CTNNA3: variants seen among roughly 807,000 people sequenced by gnomAD.
CTNNA3 encodes catenin alpha-3.
CTNNA3 carries 76 observed loss-of-function variants against 95.7 expected under a neutral mutation model. The observed-to-expected ratio is 0.79, with a 90% confidence interval of 0.66 to 0.96. CTNNA3 has a LOEUF of 0.96. Among genes scored for constraint, CTNNA3 ranks in the 40% least tolerant of loss-of-function variants. The pLI is 0.00. For missense variants in CTNNA3, 1,191 were observed against 1,089.8 expected (o/e 1.09, Z -1.31); for synonymous variants, 431 against 374.4 (o/e 1.15, Z -1.74).
intron 7 of CTNNA3, among the ~76,000 whole-genome samples, chr10:66,777,418 A>G (rs1460067921): frequency 2.6e-5 from 4 of 151,742 alleles, no homozygotes; most frequent in Admixed American, 1.3e-4. Context: ...AAAGGGAAAT[A>G]GGAGAGATTT....
chr10:67,650,515 C>A (rs773866696), intron 1 of CTNNA3, among the ~76,000 whole-genome samples: 11 of 152,192 alleles, frequency 7.2e-5, no homozygotes, highest in Admixed American at 5.9e-4. Flanking sequence ...CCATATGGAT[C>A]CTTCCCTTCT....
chr10:66,763,341 C>CACACACACACAGAG (rs371974709), intron 9 of CTNNA3, among the ~76,000 whole-genome samples: 5 of 139,104 alleles, frequency 3.6e-5, no homozygotes, highest in African/African-American at 1.4e-4. Context: ...CACACACACA[C>CACACACACACAGAG]AGAGAGAGAG....
rs142869017 is a variant in CTNNA3 at position 65,976,529 on chromosome 10, A to G, written c.2266-9783T>C. On this transcript the variant is annotated intron_variant, in intron 16 of 17. Transcript: ENST00000433211. ...ATTCAAAGTTGCTTGACCTAAATTT[A>G]CCTTTCATTTTCAGAACTGATGGGA... is the stretch of plus-strand genomic sequence containing the variant. Among the ~76,000 whole-genome samples, 14 of 152,282 alleles carry G rather than the reference A, an allele frequency of 9.2e-5. No individual in the cohort carries two copies. The East Asian group carries it at 2.1e-3, about 23-fold the overall frequency.
At chr10:66,525,616 C>T (rs888193674) in intron 10 of CTNNA3, among the ~76,000 whole-genome samples, 3 of 151,718 alleles carry the variant, frequency 2.0e-5, no homozygotes, top group African/African-American at 7.3e-5. Context: ...TAAAGAAAAA[C>T]AAAAGAGAGA....
intron 5 of CTNNA3, among the ~76,000 whole-genome samples, chr10:67,257,660 C>T (rs1866417057): frequency 6.6e-6 from 1 of 151,990 alleles, no homozygotes; most frequent in Non-Finnish European, 1.5e-5. Context: ...ACTAGTGTTT[C>T]GTGCATGTTT....
intron 9 of CTNNA3, among the ~76,000 whole-genome samples, chr10:66,659,653 A>G (rs1295350802): frequency 6.6e-6 from 1 of 152,152 alleles, no homozygotes; most frequent in Non-Finnish European, 1.5e-5. Context: ...ATGAGAGCAG[A>G]GCCCTCATGA....
intron 1 of CTNNA3, among the ~76,000 whole-genome samples, chr10:67,713,273 G>C (rs764747623): frequency 1.3e-5 from 2 of 152,168 alleles, no homozygotes; most frequent in Non-Finnish European, 2.9e-5. Flanking sequence ...TCATTAAAAA[G>C]TCAGGAAACA....
At chr10:67,204,371 T>TC (rs1554944878) in intron 6 of CTNNA3, among the ~76,000 whole-genome samples, 3 of 148,926 alleles carry the variant, frequency 2.0e-5, no homozygotes, top group Admixed American at 6.6e-5. Flanking sequence ...GTATGGCACC[T>TC]CCCCCCCTCT....
chr10:66,230,613 G>A (rs117997295), intron 13 of CTNNA3, among the ~76,000 whole-genome samples: 3,168 of 152,258 alleles, frequency 0.021, 43 homozygotes, highest in Middle Eastern at 0.044. Flanking sequence ...GTTGCCTGTG[G>A]AGGGGTCAAG....
intron 13 of CTNNA3, among the ~76,000 whole-genome samples, chr10:66,132,931 G>A (rs893233044): frequency 6.6e-6 from 1 of 152,010 alleles, no homozygotes. Context: ...AGAGGATCAG[G>A]AAAAATAACT....
chr10:66,286,529 A>G (rs1489657122), intron 12 of CTNNA3, among the ~76,000 whole-genome samples: 1 of 152,126 alleles, frequency 6.6e-6, no homozygotes, highest in Non-Finnish European at 1.5e-5. Flanking sequence ...AAAGAAAAAT[A>G]GAAAGGTAAA....
At chr10:66,939,400 G>A (rs931294773) in intron 7 of CTNNA3, among the ~76,000 whole-genome samples, 1 of 151,984 alleles carries the variant, frequency 6.6e-6, no homozygotes, top group Non-Finnish European at 1.5e-5. Context: ...CCTTCAAACT[G>A]AGTTAAAAGG....
chr10:67,506,652 CCTAGCACTA>C (rs1051832440), intron 5 of CTNNA3, among the ~76,000 whole-genome samples: 2 of 152,148 alleles, frequency 1.3e-5, no homozygotes, highest in Admixed American at 6.6e-5. Context: ...TAGGCATGCT[CCTAGCACTA>C]CTATTAACAA....
At chr10:65,985,901 A>T (rs1342631968) in intron 16 of CTNNA3, among the ~76,000 whole-genome samples, 3 of 151,556 alleles carry the variant, frequency 2.0e-5, no homozygotes. Flanking sequence ...CAAACAATCC[A>T]GTTATAACTT....
chr10:66,763,375 A>AAG (rs1300330218), intron 9 of CTNNA3, among the ~76,000 whole-genome samples: 1 of 103,070 alleles, frequency 9.7e-6, no homozygotes, highest in African/African-American at 3.2e-5. Flanking sequence ...GAAAGAGAGA[A>AAG]AGAGAGAGAG....
intron 9 of CTNNA3, among the ~76,000 whole-genome samples, chr10:66,720,133 G>A (rs578025138): frequency 3.3e-5 from 5 of 151,952 alleles, no homozygotes; most frequent in Admixed American, 1.3e-4. Context: ...GATGTCTCAC[G>A]ATGCTAAGGA....
intron 7 of CTNNA3, among the ~76,000 whole-genome samples, chr10:67,079,762 C>T (rs1265879222): frequency 1.3e-5 from 2 of 151,828 alleles, no homozygotes; most frequent in Non-Finnish European, 2.9e-5. Context: ...GCAGGAGAAT[C>T]TCTTGAACCC....
intron 13 of CTNNA3, among the ~76,000 whole-genome samples, chr10:66,219,370 C>T (rs893111005): frequency 6.6e-6 from 1 of 152,172 alleles, no homozygotes; most frequent in African/African-American, 2.4e-5. Flanking sequence ...TCACACTCTT[C>T]TCATGGTCCC....
At chr10:67,630,882 A>T (rs940528193) in intron 2 of CTNNA3, among the ~76,000 whole-genome samples, 1 of 152,224 alleles carries the variant, frequency 6.6e-6, no homozygotes, top group Non-Finnish European at 1.5e-5. Flanking sequence ...GAGTAAGTCA[A>T]TTCTTTTAAC....
Sources: allele counts gnomAD v4.1 joint callset (sites outside exome capture counted in the v4.1 genomes callset), GRCh38; gene constraint gnomAD v4.1.1; transcripts MANE v1.5; gene names NCBI Gene and HGNC (gene_info 2026-07-23, HGNC 2026-07-21).